TPGS2: variants seen among roughly 807,000 people sequenced by gnomAD.
TPGS2 encodes the protein tubulin polyglutamylase complex subunit 2.
Under a neutral mutation model 31.1 loss-of-function variants are expected in TPGS2, and 26 were observed. That is an observed-to-expected ratio of 0.84 (90% confidence interval 0.61 to 1.16). The LOEUF (loss-of-function observed/expected upper bound fraction) is 1.16, where lower values mean the gene tolerates loss of function less well. TPGS2 is among the 50% of genes most tolerant of loss of function. TPGS2 has a pLI of 0.00. For missense variants in TPGS2, 351 were observed against 363.8 expected, an observed-to-expected ratio of 0.96 and a Z score of 0.29; for synonymous variants, 130 against 136.6, an observed-to-expected ratio of 0.95 and a Z score of 0.34.
At chr18:36,784,600 G>A (rs1371025759) in intron 6 of TPGS2, among the ~76,000 whole-genome samples, 2 of 152,144 alleles carry the variant, frequency 1.3e-5, no homozygotes, top group Admixed American at 6.6e-5. Context: ...TTTGTGGAGG[G>A]AAAATGGACT....
intron 6 of TPGS2, among the ~76,000 whole-genome samples, chr18:36,788,147 AT>A (rs1388847579): frequency 6.6e-6 from 1 of 152,142 alleles, no homozygotes; most frequent in African/African-American, 2.4e-5. Flanking sequence ...ACGGATTACC[AT>A]TTTTTAATGG....
rs2045945854 is a variant in TPGS2 at position 36,822,650 on chromosome 18, A to G, written c.86-3677T>C. Among the ~76,000 whole-genome samples the G allele has an allele frequency of 3.3e-5, 5 of 152,344 alleles. No individual in the cohort carries two copies. In the South Asian group the frequency reaches 1.0e-3, roughly 32 times the overall value. On this transcript the variant is annotated intron_variant, in intron 1 of 6. Coordinates refer to ENST00000334295, the MANE Select transcript of TPGS2 (RefSeq NM_015476.4). ...CTTGCTGTCACCCAGGCTGGAGTGC[A>G]GTGGTGTAATCATAGCTCACTTCAG... is the stretch of plus-strand genomic sequence containing the variant.
rs72883565 is a variant in TPGS2 at position 36,800,185 on chromosome 18, A to C, written c.496+13T>G. The C allele has an allele frequency of 6.2e-7, 1 of 1,612,400 alleles. No homozygotes were observed. The highest frequency in any genetic ancestry group is 1.3e-5 in the African/African-American group (1 of 75,004). On this transcript the variant is annotated intron_variant, in intron 5 of 6. Transcript: ENST00000334295. ...AGCCAAACTACGGGACCACGCTTGT[A>C]AACAATTCTTACCTGGTTTCCCACT...
intron 5 of TPGS2, among the ~76,000 whole-genome samples, chr18:36,799,424 T>C (rs1269852512): frequency 6.6e-6 from 1 of 152,178 alleles, no homozygotes; most frequent in African/African-American, 2.4e-5. Flanking sequence ...GAATTGGAAT[T>C]GTCATTCCCC....
intron 6 of TPGS2, among the ~76,000 whole-genome samples, chr18:36,785,408 C>T (rs2044104844): frequency 6.6e-6 from 1 of 152,156 alleles, no homozygotes; most frequent in African/African-American, 2.4e-5. Context: ...CCCATTCATC[C>T]GTGTATGTAG....
chr18:36,821,271 G>A (rs1385733359), intron 1 of TPGS2: 2 of 152,174 alleles, frequency 1.3e-5, no homozygotes, highest in Non-Finnish European at 2.9e-5. Context: ...AGGGCATACT[G>A]AGAAGTACTG....
intron 6 of TPGS2, 126 bp from the exon 7 acceptor site, chr18:36,797,176 T>TA (rs2044570222): frequency 1.6e-5 from 24 of 1,521,382 alleles, no homozygotes; most frequent in Non-Finnish European, 2.0e-5. Context: ...AAAAACTGCC[T>TA]AAAAATCTAT....
At chr18:36,785,373 T>C (rs1451547623) in intron 6 of TPGS2, among the ~76,000 whole-genome samples, 1 of 152,216 alleles carries the variant, frequency 6.6e-6, no homozygotes, top group Non-Finnish European at 1.5e-5. Context: ...CAATTATACA[T>C]AACTGGTCAT....
intron 2 of TPGS2, among the ~76,000 whole-genome samples, chr18:36,813,068 G>C (rs1182731034): frequency 6.6e-6 from 1 of 152,214 alleles, no homozygotes; most frequent in Non-Finnish European, 1.5e-5. Flanking sequence ...AACTGCAACT[G>C]TCTACCTCAG....
intron 2 of TPGS2, 139 bp downstream of exon 2, chr18:36,818,755 G>A (rs1262015816): frequency 2.7e-6 from 2 of 745,632 alleles, no homozygotes; most frequent in Non-Finnish European, 4.4e-6. Context: ...GGCTGAACAG[G>A]AACATAGAAA....
At chr18:36,780,170 G>A (rs748774981), downstream of TPGS2, 5 of 1,231,840 alleles carry the variant, frequency 4.1e-6, no homozygotes, top group Non-Finnish European at 4.0e-6. Context: ...CGCTTGGAAC[G>A]GCCTTCAGAT....
chr18:36,812,451 A>C (rs2150638008), intron 2 of TPGS2, among the ~76,000 whole-genome samples: 1 of 152,284 alleles, frequency 6.6e-6, no homozygotes, highest in East Asian at 1.9e-4. Flanking sequence ...TAAAAACCCA[A>C]AAGACAGAGT....
chr18:36,792,416 T>A (rs1391822061), downstream of TPGS2, among the ~76,000 whole-genome samples: 1 of 152,198 alleles, frequency 6.6e-6, no homozygotes, highest in Non-Finnish European at 1.5e-5. Flanking sequence ...AAACTCTCCA[T>A]AATAAAAGGT....
Position 36,798,456 on chromosome 18 carries a change from T to C in TPGS2, c.650A>G (p.Gln217Arg), listed in dbSNP as rs748111330. ...CAGGTGTTCCTCCCTTACCTTGGCC[T>C]GTGGGCTAATGCCATAGCTGGTGAA... is the stretch of plus-strand genomic sequence containing the variant. The part of the protein sequence containing the change: ...YAFTSYGISP[Q>R]AKQWFSMYKP... The change falls in exon 6 of 7, where the codon CAG becomes CGG. Residue 217 changes from glutamine (Q) to arginine (R), a missense_variant. Gln to Arg is a conservative substitution (Grantham distance 43, BLOSUM62 1). Transcript: ENST00000334295. 26 of 1,614,212 alleles carry C rather than the reference T, an allele frequency of 1.6e-5. 1 individual carries two copies. In the Admixed American group the frequency reaches 4.3e-4, roughly 27 times the overall value.
intron 1 of TPGS2, chr18:36,821,179 A>T (rs2045878944): frequency 6.6e-6 from 1 of 152,226 alleles, no homozygotes; most frequent in South Asian, 2.1e-4. Context: ...CTTAAAATTT[A>T]AGAGAACTGG....
intron 5 of TPGS2, among the ~76,000 whole-genome samples, chr18:36,799,333 T>A (rs2044689363): frequency 6.6e-6 from 1 of 152,210 alleles, no homozygotes; most frequent in Admixed American, 6.5e-5. Flanking sequence ...TTGCTTGCTT[T>A]CAAAGCTCTG....
chr18:36,807,930 T>C lies in TPGS2; in HGVS notation c.170A>G (p.Asn57Ser), dbSNP rs762021436. The change falls in exon 3 of 7, where the codon AAT (asparagine) becomes AGT (serine). Residue 57 changes from asparagine (N) to serine (S), a missense_variant. Transcript: ENST00000334295. ...CACATCTTCAGGCATCACACAGTTATTCTTCTAGAATCACAAAGCAGCTAA... is the reference window on the plus strand; with the variant it reads ...CACATCTTCAGGCATCACACAGTTACTCTTCTAGAATCACAAAGCAGCTAA... Reference protein sequence around the residue: ...RHMISSWEQKNNCVMPEDVKN... With the variant: ...RHMISSWEQKSNCVMPEDVKN... 2.5e-6 allele frequency: 4 copies of C among 1,614,028 alleles called. No individual in the cohort carries two copies. The highest frequency in any genetic ancestry group is 1.7e-5 in the Admixed American group (1 of 60,004).
In TPGS2 at chr18:36,828,981, C is replaced by A; in HGVS notation, c.-214G>T. On this transcript the variant is annotated 5_prime_UTR_variant, in exon 1 of 7. Transcript: ENST00000334295. ...CGCCCGGTGCCCCACACCGCACCTC[C>A]GGGACGTAGCTTCCCCTTCGCCCCC... The A allele has an allele frequency of 9.4e-7, 1 of 1,068,526 alleles. No individual in the cohort carries two copies. Among genetic ancestry groups the A allele is most frequent in the Non-Finnish European group, 1.3e-6 (1 of 783,070 alleles). 66.2% of individuals were successfully genotyped at this position (1,068,526 alleles called of 1,614,324 possible). A position where few individuals can be genotyped will look rare whatever the true frequency, so the allele number is the denominator to read the frequency against.
chr18:36,825,357 G>A lies in TPGS2; in HGVS notation c.85+3326C>T, dbSNP rs972022481. Among the ~76,000 whole-genome samples, 9 of 150,980 alleles carry A rather than the reference G, an allele frequency of 6.0e-5. No individual in the cohort carries two copies. In the East Asian group the frequency reaches 9.8e-4, roughly 16 times the overall value. Reference sequence around the variant, plus strand: ...TGAGGCAGGAGAATGGCTAGAACCCGGGAGGCGGAGCTTGCAGCGAGTGAA... The same window carrying A: ...TGAGGCAGGAGAATGGCTAGAACCCAGGAGGCGGAGCTTGCAGCGAGTGAA... On this transcript the variant is annotated intron_variant, in intron 1 of 6. Transcript: ENST00000334295.
Sources: gnomAD v4.1 joint callset for allele counts (sites outside exome capture counted in the v4.1 genomes callset) on GRCh38, gnomAD v4.1.1 for gene constraint, MANE v1.5 for transcripts, NCBI Gene and HGNC (gene_info 2026-07-23, HGNC 2026-07-21) for gene names.